Variants in PCDHGB4 observed in about 807,000 individuals in gnomAD.
PCDHGB4 encodes protocadherin gamma-B4.
PCDHGB4 carries 38 observed loss-of-function variants against 60.5 expected under a neutral mutation model. That is an observed-to-expected ratio of 0.63 (90% confidence interval 0.48 to 0.82). The LOEUF (loss-of-function observed/expected upper bound fraction) is 0.82, where lower values mean the gene tolerates loss of function less well. PCDHGB4 is among the 40% of genes least tolerant of loss of function. The pLI is 0.00. For missense variants in PCDHGB4, 1,109 were observed against 1,209.6 expected (o/e 0.92, Z 1.23); for synonymous variants, 456 against 509.7 (o/e 0.89, Z 1.42).
intron 1 of PCDHGB4, chr5:141,398,456 C>A (rs1262009079): frequency 6.3e-7 from 1 of 1,590,134 alleles, no homozygotes; most frequent in Non-Finnish European, 8.6e-7. Context: ...GAGGCTGTTG[C>A]TGAAAATCCA....
intron 1 of PCDHGB4, chr5:141,402,901 T>C: frequency 1.3e-6 from 2 of 1,520,230 alleles, no homozygotes; most frequent in Non-Finnish European, 1.8e-6. Flanking sequence ...AAGAACCTGA[T>C]GAAGCAGCGC....
In PCDHGB4 at chr5:141,490,347, G is replaced by T; in HGVS notation, c.2398-4460G>T. On this transcript the variant is annotated intron_variant, in intron 1 of 3. Coordinates refer to ENST00000519479, the MANE Select transcript of PCDHGB4 (RefSeq NM_003736.4). This position sits in a 1 kb window ranked among gnomAD's most constrained non-coding sequence, Gnocchi z 5.4. ...AGAGCACACCAGTGGGCACAGTAGT[G>T]GGGTTGTTTAATGTGCGAGACCGGG... 1 of 1,614,180 alleles carries T rather than the reference G, an allele frequency of 6.2e-7. No homozygotes were observed.
chr5:141,415,136 G>C (rs763832284), intron 1 of PCDHGB4: 1 of 1,613,548 alleles, frequency 6.2e-7, no homozygotes, highest in Admixed American at 1.7e-5. Flanking sequence ...CAGGACCACG[G>C]CCAGCCCCCT....
rs548263490 is a variant in PCDHGB4, at chr5:141,390,417, A to G, written c.2397+136A>G. On this transcript the variant is annotated intron_variant, in intron 1 of 3. Transcript: ENST00000519479. ...CATTTTAGGAAAGTTGTAGTCAGTT[A>G]AAAAGCTGTCATATCATTCTACAAA... 4 of 1,127,796 alleles carry G rather than the reference A, an allele frequency of 3.5e-6. No homozygotes were observed. The South Asian group carries it at 4.8e-5, about 13-fold the overall frequency. 69.9% of individuals were successfully genotyped at this position (1,127,796 alleles called of 1,614,324 possible). A position where few individuals can be genotyped will look rare whatever the true frequency, so the allele number is the denominator to read the frequency against.
chr5:141,511,419 G>A lies in PCDHGB4; in HGVS notation c.*246G>A, dbSNP rs1437533706. On this transcript the variant is annotated 3_prime_UTR_variant, in exon 4 of 4. Coordinates refer to ENST00000519479, the MANE Select transcript of PCDHGB4 (RefSeq NM_003736.4). Reference sequence around the variant, plus strand: ...ATCCAATCAACTGCTGTACCCATGGGGGTAGTGGGGTTACTGTAGACACCA... The same window carrying A: ...ATCCAATCAACTGCTGTACCCATGGAGGTAGTGGGGTTACTGTAGACACCA... 1.2e-6 allele frequency: 1 copy of A among 830,454 alleles called. No individual in the cohort carries two copies. The highest frequency in any genetic ancestry group is 1.7e-5 in the African/African-American group (1 of 58,076). 51.4% of individuals were successfully genotyped at this position (830,454 alleles called of 1,614,324 possible).
chr5:141,432,949 C>A lies in PCDHGB4; in HGVS notation c.2397+42668C>A, dbSNP rs764998032. ...CACGCCTGCTGCAGGCTTCAGGAGG[C>A]GGCTTGACAGGAGCGCCGGCGTCGC... On this transcript the variant is annotated intron_variant, in intron 1 of 3. Transcript: ENST00000519479. This position sits in a 1 kb window ranked among gnomAD's most constrained non-coding sequence, Gnocchi z 6.0. The A allele has an allele frequency of 1.9e-6, 3 of 1,614,184 alleles. No homozygotes were observed. The highest frequency in any genetic ancestry group is 2.5e-6 in the Non-Finnish European group (3 of 1,180,040).
intron 1 of PCDHGB4, among the ~76,000 whole-genome samples, chr5:141,456,857 G>A (rs957526443): frequency 6.6e-5 from 10 of 152,234 alleles, no homozygotes; most frequent in African/African-American, 2.4e-4. Context: ...CAGCTAATTG[G>A]GAGGCTGAGG....
At chr5:141,492,447 T>G (rs920078908) in intron 1 of PCDHGB4, among the ~76,000 whole-genome samples, 13 of 152,300 alleles carry the variant, frequency 8.5e-5, no homozygotes, top group Middle Eastern at 3.4e-3. Context: ...CGTAGCTGAT[T>G]GTGCGCGCCT....
chr5:141,415,920 G>T, intron 1 of PCDHGB4: 1 of 692,798 alleles, frequency 1.4e-6, no homozygotes, highest in Non-Finnish European at 2.0e-6. Context: ...AGAAGTGCCT[G>T]TCAATTTATA....
chr5:141,491,871 C>T lies in PCDHGB4; in HGVS notation c.2398-2936C>T, dbSNP rs1222191027. 2.1e-6 allele frequency: 3 copies of T among 1,451,434 alleles called. No individual in the cohort carries two copies. Among genetic ancestry groups the T allele is most frequent in the Non-Finnish European group, 2.7e-6 (3 of 1,098,418 alleles). 89.9% of individuals were successfully genotyped at this position (1,451,434 alleles called of 1,614,324 possible). ...ACCGTTTGCGCGAAACCAGAGTGGC[C>T]GATTAAGGGATGGGGCTCCGAGCAC... On this transcript the variant is annotated intron_variant, in intron 1 of 3. Transcript: ENST00000519479. The surrounding 1 kb of genome is among the most constrained non-coding windows in gnomAD (Gnocchi z 6.9).
At chr5:141,457,116 C>T (rs933634563) in intron 1 of PCDHGB4, among the ~76,000 whole-genome samples, 5 of 152,176 alleles carry the variant, frequency 3.3e-5, no homozygotes, top group Non-Finnish European at 7.3e-5. Flanking sequence ...AATACGACAG[C>T]AATGGAAACT....
At chr5:141,414,015 A>C in intron 1 of PCDHGB4, 1 of 1,613,160 alleles carries the variant, frequency 6.2e-7, no homozygotes, top group South Asian at 1.1e-5. Context: ...CCAATGGAGA[A>C]GTGACATATT....
chr5:141,478,911 T>TA, intron 1 of PCDHGB4: 1 of 871,162 alleles, frequency 1.1e-6, no homozygotes, highest in Non-Finnish European at 1.7e-6. Flanking sequence ...AGCTGCTGGA[T>TA]ACCTCTAACC....
At position 141,388,278 on chromosome 5, in the gene PCDHGB4, A is replaced by C. The variant is rs769879098; in HGVS notation, c.394A>C (p.Lys132Gln). 1.2e-6 allele frequency: 2 copies of C among 1,613,384 alleles called. No individual in the cohort carries two copies. The highest frequency in any genetic ancestry group is 2.7e-5 in the African/African-American group (2 of 74,784). The change falls in exon 1 of 4, where the codon AAA becomes CAA. Residue 132 changes from lysine to glutamine, a missense_variant. By Grantham distance (53) the Lys-to-Gln change is moderately conservative (BLOSUM62 1). Coordinates refer to ENST00000519479, the MANE Select transcript of PCDHGB4 (RefSeq NM_003736.4). The stretch of plus-strand genomic sequence containing the variant: ...CGAGGACATTAATGACCACACGCCA[A>C]AATTCACGCAAAATTCCTTTGAGCT... ...EIEDINDHTP[K>Q]FTQNSFELQI...
rs1203945578 is a variant in PCDHGB4 at position 141,512,055 on chromosome 5, T to G, written c.*882T>G. 6.5e-6 allele frequency: 1 copy of G among 152,698 alleles called. No homozygotes were observed. The highest frequency in any genetic ancestry group is 1.5e-5 in the Non-Finnish European group (1 of 68,092). 9.5% of individuals were successfully genotyped at this position (152,698 alleles called of 1,614,324 possible). The stretch of plus-strand genomic sequence containing the variant: ...GAGGCTCTGTATGTCCTCAGGGGAC[T>G]GACAACATCCTCCAGATTCCAGCCA... On this transcript the variant is annotated 3_prime_UTR_variant, in exon 4 of 4. Transcript: ENST00000519479.
chr5:141,399,998 C>T (rs753846360), intron 1 of PCDHGB4: 37 of 1,612,212 alleles, frequency 2.3e-5, no homozygotes, highest in Non-Finnish European at 2.7e-5. Context: ...GAGGTGCGCA[C>T]AGCGCGTGCC....
intron 1 of PCDHGB4, chr5:141,423,628 AT>A (rs2096762361): frequency 6.2e-7 from 1 of 1,604,844 alleles, no homozygotes; most frequent in Admixed American, 1.7e-5. Flanking sequence ...CTCAGCTATC[AT>A]TTTAGGCAAA....
chr5:141,404,790 A>T, intron 1 of PCDHGB4: 1 of 1,611,288 alleles, frequency 6.2e-7, no homozygotes, highest in East Asian at 2.2e-5. Context: ...AAGGCCAGTG[A>T]GCCAGGGCTC....
Position 141,432,492 on chromosome 5 carries a change from C to G in PCDHGB4, c.2397+42211C>G. The G allele has an allele frequency of 6.2e-7, 1 of 1,614,168 alleles. No individual in the cohort carries two copies. The highest frequency in any genetic ancestry group is 8.5e-7 in the Non-Finnish European group (1 of 1,180,040). On this transcript the variant is annotated intron_variant, in intron 1 of 3. Transcript: ENST00000519479. This position sits in a 1 kb window ranked among gnomAD's most constrained non-coding sequence, Gnocchi z 6.0. Reference sequence around the variant, plus strand: ...GACGGTTCCACTGGCGTGGAGCTGGCTCCCCGCTCCGCAGAGCCCGGCTAC... The same window carrying G: ...GACGGTTCCACTGGCGTGGAGCTGGGTCCCCGCTCCGCAGAGCCCGGCTAC...
Sources: allele counts gnomAD v4.1 joint callset (sites outside exome capture counted in the v4.1 genomes callset), GRCh38; gene constraint gnomAD v4.1.1; non-coding constraint Gnocchi (gnomAD v3.1); transcripts MANE v1.5; gene names NCBI Gene and HGNC (gene_info 2026-07-23, HGNC 2026-07-21).